SPRR2F: variants seen among roughly 807,000 people sequenced by gnomAD.
SPRR2F encodes the protein small proline rich protein 2F.
Under a neutral mutation model 0.8 loss-of-function variants are expected in SPRR2F, and 2 were observed. That is an observed-to-expected ratio of 2.52 (90% CI 1.03 to 7.95). The LOEUF (loss-of-function observed/expected upper bound fraction) is 7.95. SPRR2F is among the 30% of genes most tolerant of loss of function. The pLI is 0.04. For missense variants in SPRR2F, 80 were observed against 85.8 expected (o/e 0.93, Z 0.27); for synonymous variants, 39 against 33.4 (o/e 1.17, Z -0.58).
chr1:153,114,500 T>C (rs1374762554), upstream of SPRR2F, among the ~76,000 whole-genome samples: 1 of 152,160 alleles, frequency 6.6e-6, no homozygotes, highest in Non-Finnish European at 1.5e-5. Context: ...ACTCACATTA[T>C]CATATGTGAA....
chr1:153,114,468 C>T (rs1202756937), upstream of SPRR2F, among the ~76,000 whole-genome samples: 1 of 152,118 alleles, frequency 6.6e-6, no homozygotes, highest in Non-Finnish European at 1.5e-5. Context: ...TGAAACCACC[C>T]TATAGAGCAC....
At chr1:153,112,798 G>A in intron 1 of SPRR2F, 46 bp from the exon 2 acceptor site, 1 of 1,606,240 alleles carries the variant, frequency 6.2e-7, no homozygotes, top group Non-Finnish European at 8.5e-7. Context: ...GAATCCTCCA[G>A]AGAGAGAAGC....
At chr1:153,112,914 G>A (rs879149023) in intron 1 of SPRR2F, among the ~76,000 whole-genome samples, 162 bp from the exon 2 acceptor site, 1 of 152,080 alleles carries the variant, frequency 6.6e-6, no homozygotes, top group Admixed American at 6.5e-5. Context: ...TTCCACTTCA[G>A]CGAATTACTT....
upstream of SPRR2F, among the ~76,000 whole-genome samples, chr1:153,116,608 A>G (rs970633474): frequency 1.3e-5 from 2 of 152,122 alleles, no homozygotes; most frequent in African/African-American, 4.8e-5. Flanking sequence ...ATACCCCAAC[A>G]TTTAATTACC....
At position 153,112,461 on chromosome 1, in the gene SPRR2F, C is replaced by T. The variant is rs1017982131; in HGVS notation, c.*54G>A. The T allele has an allele frequency of 1.3e-5, 21 of 1,569,118 alleles. No individual in the cohort carries two copies. Among genetic ancestry groups the T allele is most frequent in the East Asian group, 4.5e-5 (2 of 44,574 alleles). ...AGAAGATGCAGGTGGAGCTGTGGAA[C>T]GAGGTGAGCCAATTATCCTTATCCT... is the stretch of plus-strand genomic sequence containing the variant. On this transcript the variant is annotated 3_prime_UTR_variant, in exon 2 of 2. Coordinates refer to ENST00000468739, the MANE Select transcript of SPRR2F (RefSeq NM_001014450.3).
chr1:153,116,163 C>T (rs965863157), upstream of SPRR2F, among the ~76,000 whole-genome samples: 1 of 152,092 alleles, frequency 6.6e-6, no homozygotes, highest in East Asian at 1.9e-4. Flanking sequence ...CATCATTATT[C>T]CATAATTTTG....
rs757167747 is a variant in SPRR2F, at chr1:153,112,478, C to G, written c.*37G>C. 6.3e-7 allele frequency: 1 copy of G among 1,593,902 alleles called. No homozygotes were observed. The highest frequency in any genetic ancestry group is 8.5e-7 in the Non-Finnish European group (1 of 1,170,966). ...CTGTGGAACGAGGTGAGCCAATTAT[C>G]CTTATCCTTTCATGCTCCTGATGAA... On this transcript the variant is annotated 3_prime_UTR_variant, in exon 2 of 2. Transcript: ENST00000468739.
upstream of SPRR2F, among the ~76,000 whole-genome samples, chr1:153,117,866 CA>C (rs1655748228): frequency 6.6e-6 from 1 of 151,880 alleles, no homozygotes; most frequent in Non-Finnish European, 1.5e-5. Flanking sequence ...GTAAACCGGA[CA>C]AAATTGTGAA....
upstream of SPRR2F, among the ~76,000 whole-genome samples, chr1:153,114,096 C>A (rs1425167976): frequency 7.0e-6 from 1 of 142,814 alleles, no homozygotes; most frequent in South Asian, 2.3e-4. Flanking sequence ...ATCATACTTA[C>A]CTCTGGAGAT....
At chr1:153,114,118 G>A (rs1487197880), upstream of SPRR2F, among the ~76,000 whole-genome samples, 7 of 145,490 alleles carry the variant, frequency 4.8e-5, no homozygotes, top group Non-Finnish European at 4.5e-5. Flanking sequence ...GGAGCTGACC[G>A]CATTGTGCCA....
chr1:153,115,273 G>T (rs1175265004), upstream of SPRR2F, among the ~76,000 whole-genome samples: 1 of 152,078 alleles, frequency 6.6e-6, no homozygotes, highest in Non-Finnish European at 1.5e-5. Flanking sequence ...AAAGTAAAGG[G>T]CCTTTATTCA....
chr1:153,112,291 C>T lies in SPRR2F; in HGVS notation c.*224G>A, dbSNP rs1655604447. The stretch of plus-strand genomic sequence containing the variant: ...TGAAGCTCTGGGAGCTGGCACAGCC[C>T]AGGACTTCCTTTGCTCAGTCTCCAC... On this transcript the variant is annotated 3_prime_UTR_variant, in exon 2 of 2. Transcript: ENST00000468739. The T allele has an allele frequency of 2.5e-6, 2 of 791,708 alleles. No individual in the cohort carries two copies. Among genetic ancestry groups the T allele is most frequent in the Non-Finnish European group, 3.8e-6 (2 of 523,322 alleles). 49.0% of individuals were successfully genotyped at this position (791,708 alleles called of 1,614,324 possible).
chr1:153,114,608 TC>T (rs886789291), upstream of SPRR2F, among the ~76,000 whole-genome samples: 2 of 152,190 alleles, frequency 1.3e-5, no homozygotes, highest in African/African-American at 4.8e-5. Flanking sequence ...TATGTATTCT[TC>T]CCCTCTGTTT....
upstream of SPRR2F, among the ~76,000 whole-genome samples, chr1:153,115,098 A>G (rs1262476648): frequency 1.3e-5 from 2 of 152,170 alleles, no homozygotes; most frequent in South Asian, 4.1e-4. Flanking sequence ...CAGAGCTGCC[A>G]TTGCTCCCGT....
chr1:153,119,403 C>T, the SPRR2F span, among the ~76,000 whole-genome samples: 1 of 152,124 alleles, frequency 6.6e-6, no homozygotes, highest in Non-Finnish European at 1.5e-5. Flanking sequence ...AGAAAGACCA[C>T]GGGGTAAAAG....
upstream of SPRR2F, among the ~76,000 whole-genome samples, chr1:153,117,149 T>C (rs1460868736): frequency 6.6e-6 from 1 of 152,002 alleles, no homozygotes; most frequent in Non-Finnish European, 1.5e-5. Context: ...CAGAAGATTT[T>C]AGGGGGAAGC....
In SPRR2F at chr1:153,112,591, T is replaced by C; in HGVS notation, c.143A>G (p.Gln48Arg). Residue 48 changes from glutamine (Q) to arginine (R), a missense_variant, in exon 2 of 2, where the codon CAG (glutamine) becomes CGG (arginine). Transcript: ENST00000468739. ...AGGAGGACATTTCTGCTGGCACTGC[T>C]GAGGTGGGCAGGACTGTGGACACTT... ...PSKCPQSCPP[Q>R]QCQQKCPPVT... 6.2e-7 allele frequency: 1 copy of C among 1,612,964 alleles called. No individual in the cohort carries two copies. Among genetic ancestry groups the C allele is most frequent in the Non-Finnish European group, 8.5e-7 (1 of 1,179,828 alleles).
At chr1:153,118,769 T>G in the SPRR2F span, among the ~76,000 whole-genome samples, 1 of 152,164 alleles carries the variant, frequency 6.6e-6, no homozygotes, top group Non-Finnish European at 1.5e-5. Flanking sequence ...TGAAACTGTA[T>G]GTAGATATAA....
chr1:153,113,051 A>G (rs1463311892), intron 1 of SPRR2F, among the ~76,000 whole-genome samples: 1 of 152,160 alleles, frequency 6.6e-6, no homozygotes, highest in Non-Finnish European at 1.5e-5. Flanking sequence ...ACAAGTTCAG[A>G]TACCCAGGGC....
Sources: allele counts gnomAD v4.1 joint callset (sites outside exome capture counted in the v4.1 genomes callset), GRCh38; gene constraint gnomAD v4.1.1; transcripts MANE v1.5; gene names NCBI Gene and HGNC (gene_info 2026-07-23, HGNC 2026-07-21).